ZNF407: variants seen among roughly 807,000 people sequenced by gnomAD.
ZNF407 encodes zinc finger protein 407.
ZNF407 carries 17 observed loss-of-function variants against 131.2 expected under a neutral mutation model. That is an observed-to-expected ratio of 0.13 (90% confidence interval 0.09 to 0.19). The LOEUF is 0.19. Ranked by LOEUF, ZNF407 falls within the 10% of genes least tolerant of loss-of-function variation. The pLI, the probability that ZNF407 is intolerant of heterozygous loss-of-function variation, is 1.00. For missense variants in ZNF407, 2,681 were observed against 2,830.6 expected, an observed-to-expected ratio of 0.95 and a Z score of 1.20; for synonymous variants, 1,156 against 1,062.0, an observed-to-expected ratio of 1.09 and a Z score of -1.72.
At chr18:74,833,233 G>A (rs1440948041) in intron 4 of ZNF407, among the ~76,000 whole-genome samples, 2 of 152,210 alleles carry the variant, frequency 1.3e-5, no homozygotes, top group Non-Finnish European at 2.9e-5. Flanking sequence ...AGGGTCAGCA[G>A]GGATGAGCTT....
intron 3 of ZNF407, among the ~76,000 whole-genome samples, chr18:74,732,773 T>C (rs555164910): frequency 6.6e-6 from 1 of 152,322 alleles, no homozygotes; most frequent in East Asian, 1.9e-4. Flanking sequence ...TCAGATAGTT[T>C]TTCTACCTAT....
chr18:74,777,751 C>T (rs7245305), intron 3 of ZNF407, among the ~76,000 whole-genome samples: 150 of 150,560 alleles, frequency 1.0e-3, no homozygotes, highest in Non-Finnish European at 2.1e-4. Flanking sequence ...CTCTCTCTCT[C>T]ATTCACTCAA....
At chr18:74,919,150 C>G (rs1369944209) in intron 7 of ZNF407, among the ~76,000 whole-genome samples, 1 of 152,304 alleles carries the variant, frequency 6.6e-6, no homozygotes, top group East Asian at 1.9e-4. Flanking sequence ...CTCGCTTGGA[C>G]GATACTTCCT....
intron 3 of ZNF407, among the ~76,000 whole-genome samples, chr18:74,780,492 C>G (rs1969576892): frequency 6.6e-6 from 1 of 152,130 alleles, no homozygotes; most frequent in South Asian, 2.1e-4. Context: ...TAATTAAAAT[C>G]ATATTTTTGC....
intron 3 of ZNF407, among the ~76,000 whole-genome samples, chr18:74,691,275 G>A (rs1331493609): frequency 6.6e-6 from 1 of 150,872 alleles, no homozygotes; most frequent in African/African-American, 2.4e-5. Flanking sequence ...GCAAAACTCT[G>A]TCTCAAAAAA....
chr18:74,941,468 A>G (rs1599255724), intron 8 of ZNF407, among the ~76,000 whole-genome samples: 1 of 152,192 alleles, frequency 6.6e-6, no homozygotes, highest in East Asian at 1.9e-4. Flanking sequence ...CCGATGGTTC[A>G]TTAATTGAGG....
chr18:74,703,690 A>G lies in ZNF407; in HGVS notation c.4802+62568A>G, dbSNP rs1967554201. On this transcript the variant is annotated intron_variant, in intron 3 of 8. Transcript: ENST00000299687. This position sits in a 1 kb window ranked among gnomAD's most constrained non-coding sequence, Gnocchi z 4.1. ...CTAGATCTCTTTTATGGGCTATGAG[A>G]TTGATTTTTTTTTTAACTGAATATG... Among the ~76,000 whole-genome samples, 1 of 151,828 alleles carries G rather than the reference A, an allele frequency of 6.6e-6. No homozygotes were observed. The highest frequency in any genetic ancestry group is 1.5e-5 in the Non-Finnish European group (1 of 67,962).
In ZNF407 at chr18:75,064,116, A is replaced by C. The variant is rs919009456; in HGVS notation, c.6395A>C (p.His2132Pro). The change falls in exon 9 of 9, where the codon CAC becomes CCC. Residue 2132 changes from histidine to proline, a missense_variant. Around this residue, in one of 6 missense-constraint regions of ZNF407, gnomAD observed 620 missense variants for 583.1 expected, o/e 1.06. Transcript: ENST00000299687. ...ATCATGCAGGAGGCGCAGGGCGAGC[A>C]CATGGATCTGGTGGAGTCCGACGGG... ...QIIMQEAQGE[H>P]MDLVESDGEI... 2.5e-6 allele frequency: 4 copies of C among 1,597,550 alleles called. No individual in the cohort carries two copies. The highest frequency in any genetic ancestry group is 1.7e-5 in the Admixed American group (1 of 57,668).
chr18:74,855,982 A>G (rs1200549208), intron 4 of ZNF407, among the ~76,000 whole-genome samples: 2 of 152,246 alleles, frequency 1.3e-5, no homozygotes, highest in Non-Finnish European at 2.9e-5. Flanking sequence ...CAGCCCTAAC[A>G]ATAAGAGAGT....
intron 8 of ZNF407, among the ~76,000 whole-genome samples, chr18:75,057,973 C>T (rs1223602234): frequency 1.3e-5 from 2 of 152,022 alleles, no homozygotes; most frequent in Admixed American, 6.6e-5. Flanking sequence ...TTAACAAAAG[C>T]GTAAGGTATT....
chr18:74,710,240 T>G (rs1040960626), intron 3 of ZNF407, among the ~76,000 whole-genome samples: 1 of 152,322 alleles, frequency 6.6e-6, no homozygotes, highest in Non-Finnish European at 1.5e-5. Flanking sequence ...TTTATACAGA[T>G]TAATAGAAAT....
At chr18:74,720,766 A>G (rs1175995541) in intron 3 of ZNF407, among the ~76,000 whole-genome samples, 3 of 151,936 alleles carry the variant, frequency 2.0e-5, no homozygotes, top group Non-Finnish European at 4.4e-5. Flanking sequence ...GTGTTCTTGA[A>G]GTCTTTGTCA....
intron 4 of ZNF407, among the ~76,000 whole-genome samples, chr18:74,798,465 T>C (rs1969962717): frequency 6.6e-6 from 1 of 152,138 alleles, no homozygotes; most frequent in Admixed American, 6.5e-5. Flanking sequence ...TTTCACAGTG[T>C]ATTTATGCAA....
chr18:74,999,360 A>C (rs568010189), intron 8 of ZNF407, among the ~76,000 whole-genome samples: 5 of 146,684 alleles, frequency 3.4e-5, no homozygotes, highest in Non-Finnish European at 5.9e-5. Context: ...AAAAAAAAAA[A>C]AAAAAAAAAA....
At chr18:74,988,547 A>G (rs1448852716) in intron 8 of ZNF407, among the ~76,000 whole-genome samples, 1 of 151,518 alleles carries the variant, frequency 6.6e-6, no homozygotes, top group Non-Finnish European at 1.5e-5. Context: ...ATTCTAGAGT[A>G]CTTAAAGAAC....
At chr18:74,917,465 C>G (rs140185885) in intron 7 of ZNF407, among the ~76,000 whole-genome samples, 11 of 152,036 alleles carry the variant, frequency 7.2e-5, no homozygotes, top group Admixed American at 2.6e-4. Flanking sequence ...AGTTCCACAC[C>G]ACGTCTTTCT....
chr18:74,691,705 C>A (rs1291936146), intron 3 of ZNF407, among the ~76,000 whole-genome samples: 1 of 152,062 alleles, frequency 6.6e-6, no homozygotes, highest in East Asian at 1.9e-4. Context: ...TCCCTGTAAG[C>A]TCTGCTTTTG....
At chr18:74,661,967 G>A (rs1328853368) in intron 3 of ZNF407, among the ~76,000 whole-genome samples, 1 of 151,814 alleles carries the variant, frequency 6.6e-6, no homozygotes. Flanking sequence ...CCTCAGTTGT[G>A]GGACATTCGC....
intron 3 of ZNF407, among the ~76,000 whole-genome samples, chr18:74,699,525 G>A (rs1364890720): frequency 6.6e-6 from 1 of 152,064 alleles, no homozygotes; most frequent in Admixed American, 6.6e-5. Flanking sequence ...ATGTCTCCTG[G>A]TACCGGTGTT....
Sources: allele counts gnomAD v4.1 joint callset (sites outside exome capture counted in the v4.1 genomes callset), GRCh38; gene constraint gnomAD v4.1.1; regional missense constraint gnomAD v4.1.1; non-coding constraint Gnocchi (gnomAD v3.1); transcripts MANE v1.5; gene names NCBI Gene and HGNC (gene_info 2026-07-23, HGNC 2026-07-21).